The following FGFR2 variants were observed in gnomAD, a reference collection of about 807,000 sequenced individuals.
The protein encoded by FGFR2 is fibroblast growth factor receptor 2.
A neutral mutation model predicts 95.9 loss-of-function variants in FGFR2; 19 were observed. The ratio of observed to expected loss-of-function variants is 0.20; its 90% CI spans 0.14 to 0.29. FGFR2 has a LOEUF of 0.29. FGFR2 is among the 10% of genes least tolerant of loss of function. FGFR2 has a pLI of 1.00. For missense variants in FGFR2, 707 were observed against 1,056.9 expected, an observed-to-expected ratio of 0.67 and a Z score of 4.59; for synonymous variants, 392 against 393.3, an observed-to-expected ratio of 1.00 and a Z score of 0.04.
At chr10:121,560,489 C>T (rs1483269570) in intron 4 of FGFR2, among the ~76,000 whole-genome samples, 4 of 151,776 alleles carry the variant, frequency 2.6e-5, no homozygotes, top group Non-Finnish European at 5.9e-5. Flanking sequence ...GTGGTGGGCA[C>T]CTGTAGTCCC....
intron 17 of FGFR2, chr10:121,482,278 T>G (rs1473008413): frequency 2.8e-6 from 3 of 1,080,596 alleles, no homozygotes; most frequent in East Asian, 2.5e-5. Flanking sequence ...AGTTGGTTTC[T>G]TCCCCCCCTT....
intron 2 of FGFR2, among the ~76,000 whole-genome samples, chr10:121,584,249 A>C (rs1861411246): frequency 6.6e-6 from 1 of 151,812 alleles, no homozygotes; most frequent in Non-Finnish European, 1.5e-5. Flanking sequence ...TGTTCAGGGG[A>C]GGTCACTACA....
intron 5 of FGFR2, among the ~76,000 whole-genome samples, chr10:121,547,400 CTTTT>C (rs764591388): frequency 7.2e-6 from 1 of 139,412 alleles, no homozygotes; most frequent in Non-Finnish European, 1.6e-5. Flanking sequence ...CCTTTTTTTT[CTTTT>C]TTTTTTTTTT....
chr10:121,565,100 C>T (rs555426630), intron 3 of FGFR2, among the ~76,000 whole-genome samples: 2 of 147,284 alleles, frequency 1.4e-5, no homozygotes, highest in South Asian at 4.3e-4. Flanking sequence ...GAAACTCAAA[C>T]TCTAATAAAT....
intron 2 of FGFR2, among the ~76,000 whole-genome samples, chr10:121,582,052 C>T (rs544520025): frequency 5.3e-5 from 8 of 152,174 alleles, no homozygotes; most frequent in Non-Finnish European, 1.2e-4. Context: ...CTGCCTCCGC[C>T]CCCCAAGTAC....
At chr10:121,555,472 G>A (rs936059171) in intron 4 of FGFR2, among the ~76,000 whole-genome samples, 10 of 152,158 alleles carry the variant, frequency 6.6e-5, no homozygotes, top group East Asian at 5.8e-4. Context: ...TATGAAGAGC[G>A]GGCTTAAAGT....
At chr10:121,526,018 C>G (rs1851319409) in intron 6 of FGFR2, 9 of 394,826 alleles carry the variant, frequency 2.3e-5, no homozygotes, top group Non-Finnish European at 4.0e-5. Context: ...AGTCACACAC[C>G]AAGAGACTCG....
intron 2 of FGFR2, among the ~76,000 whole-genome samples, chr10:121,571,096 C>G (rs1359360202): frequency 6.6e-6 from 1 of 151,068 alleles, no homozygotes; most frequent in African/African-American, 2.4e-5. Flanking sequence ...TCACGCTATT[C>G]ACCTGCCTCA....
In FGFR2 at chr10:121,538,613, T is replaced by C. The variant is rs778994181; in HGVS notation, c.727A>G (p.Thr243Ala). The change falls in exon 6 of 18, where the codon ACG becomes GCG. Residue 243 changes from threonine (T) to alanine (A), a missense_variant. Physicochemically the swap from Thr to Ala is moderately conservative, Grantham distance 58. This residue lies in a region of FGFR2 where 139 missense variants were observed against 278.1 expected (regional missense o/e 0.50). Coordinates refer to ENST00000358487, the MANE Select transcript of FGFR2 (RefSeq NM_000141.5). ...TCACCCACAACATCCAGGTGGTACG[T>C]GTGATTGATGGACCCGTATTCATTC... ...VENEYGSINH[T>A]YHLDVVERSP... 6.2e-7 allele frequency: 1 copy of C among 1,614,160 alleles called. No homozygotes were observed. Among genetic ancestry groups the C allele is most frequent in the Non-Finnish European group, 8.5e-7 (1 of 1,180,038 alleles).
rs368957378 is a variant in FGFR2 at position 121,557,431 on chromosome 10, C to T, written c.455-5972G>A. Reference sequence around the variant, plus strand: ...TCAGGTGATCCTCCCACCTGAGCCTCCCAAGTAACTGGGACTGCAGGCATG... The same window carrying T: ...TCAGGTGATCCTCCCACCTGAGCCTTCCAAGTAACTGGGACTGCAGGCATG... On this transcript the variant is annotated intron_variant, in intron 4 of 17. Coordinates refer to ENST00000358487, the MANE Select transcript of FGFR2 (RefSeq NM_000141.5). Among the ~76,000 whole-genome samples the T allele has an allele frequency of 1.2e-4, 18 of 152,246 alleles. No homozygotes were observed. The South Asian group carries it at 1.2e-3, about 11-fold the overall frequency.
At chr10:121,586,808 G>A (rs1232106425) in intron 2 of FGFR2, among the ~76,000 whole-genome samples, 1 of 152,190 alleles carries the variant, frequency 6.6e-6, no homozygotes, top group Non-Finnish European at 1.5e-5. Flanking sequence ...AGAGAAACTT[G>A]TAAAAAGTGT....
At chr10:121,586,486 C>T (rs777548491) in intron 2 of FGFR2, among the ~76,000 whole-genome samples, 2 of 152,184 alleles carry the variant, frequency 1.3e-5, no homozygotes, top group Admixed American at 6.5e-5. Flanking sequence ...TGACTTGGTA[C>T]TGTCAAAAAG....
At position 121,518,474 on chromosome 10, in the gene FGFR2, T is replaced by C. The variant is rs1257593179; in HGVS notation, c.940-1011A>G. Among the ~76,000 whole-genome samples, 1 of 152,078 alleles carries C rather than the reference T, an allele frequency of 6.6e-6. No individual in the cohort carries two copies. The highest frequency in any genetic ancestry group is 1.5e-5 in the Non-Finnish European group (1 of 68,014). On this transcript the variant is annotated intron_variant, in intron 7 of 17. Transcript: ENST00000358487. This position sits in a 1 kb window ranked among gnomAD's most constrained non-coding sequence, Gnocchi z 4.0. ...GGTGGAGGCTAATCTCTAGAAGAAATTGGAGCAAGCACTTTGAACGTTGTG... is the reference window on the plus strand; with the variant it reads ...GGTGGAGGCTAATCTCTAGAAGAAACTGGAGCAAGCACTTTGAACGTTGTG...
intron 4 of FGFR2, among the ~76,000 whole-genome samples, chr10:121,553,819 G>A (rs1317033829): frequency 1.3e-5 from 2 of 152,102 alleles, no homozygotes; most frequent in African/African-American, 4.8e-5. Flanking sequence ...AAAAAAAAGT[G>A]GGATTTAGCT....
intron 17 of FGFR2, among the ~76,000 whole-genome samples, chr10:121,481,410 AC>A (rs1844662722): frequency 6.6e-6 from 1 of 151,942 alleles, no homozygotes; most frequent in Non-Finnish European, 1.5e-5. Flanking sequence ...ACACACACAC[AC>A]ACACACACAC....
intron 6 of FGFR2, among the ~76,000 whole-genome samples, chr10:121,532,251 A>T (rs1329365209): frequency 6.6e-6 from 1 of 152,208 alleles, no homozygotes; most frequent in South Asian, 2.1e-4. Context: ...TGCCAGGAAC[A>T]GGTACAAGCA....
chr10:121,525,462 T>C (rs193176065), intron 6 of FGFR2, among the ~76,000 whole-genome samples: 1 of 152,150 alleles, frequency 6.6e-6, no homozygotes, highest in East Asian at 1.9e-4. Flanking sequence ...TCGCCCCCTT[T>C]CTTCAAGTGT....
chr10:121,565,366 AC>A, intron 3 of FGFR2, 71 bp downstream of exon 3: 1 of 1,592,864 alleles, frequency 6.3e-7, no homozygotes, highest in Non-Finnish European at 8.6e-7. Flanking sequence ...AGATCTCACT[AC>A]CTTTTCACTT....
At position 121,485,527 on chromosome 10, in the gene FGFR2, G is replaced by A. The variant is rs2133800978; in HGVS notation, c.2063C>T (p.Ser688Phe). The A allele has an allele frequency of 6.2e-7, 1 of 1,613,588 alleles. No individual in the cohort carries two copies. Among genetic ancestry groups the A allele is most frequent in the South Asian group, 1.1e-5 (1 of 91,022 alleles). ...RVYTHQSDVW[S>F]FGVLMWEIFT... ...GATCTCCCACATTAACACCCCGAAG[G>A]ACCAGCTGCAACAAAAGGAGAAAGC... The change falls in exon 16 of 18, where the codon TCC becomes TTC. Residue 688 changes from serine to phenylalanine, a missense_variant. This residue lies in a region of FGFR2 where 104 missense variants were observed against 214.2 expected (regional missense o/e 0.49). Transcript: ENST00000358487. This position sits in a 1 kb window ranked among gnomAD's most constrained non-coding sequence, Gnocchi z 4.2.
Sources: gnomAD v4.1 joint callset for allele counts (sites outside exome capture counted in the v4.1 genomes callset) on GRCh38, gnomAD v4.1.1 for gene constraint, gnomAD v4.1.1 regional missense constraint, Gnocchi (gnomAD v3.1) non-coding constraint, MANE v1.5 for transcripts, NCBI Gene and HGNC (gene_info 2026-07-23, HGNC 2026-07-21) for gene names.